The following KMT2A variants were observed in gnomAD, a reference collection of about 807,000 sequenced individuals.
The protein encoded by KMT2A is lysine methyltransferase 2A.
In KMT2A, 16 loss-of-function variants were observed where a neutral mutation model predicts 345.3. The ratio of observed to expected loss-of-function variants is 0.05; its 90% CI spans 0.03 to 0.07. KMT2A has a LOEUF of 0.07. Ranked by LOEUF, KMT2A falls within the 10% of genes least tolerant of loss-of-function variation. KMT2A has a pLI of 1.00. For missense variants in KMT2A, 3,272 were observed against 4,841.6 expected, an observed-to-expected ratio of 0.68 and a Z score of 9.62; for synonymous variants, 1,599 against 1,778.6, an observed-to-expected ratio of 0.90 and a Z score of 2.54.
chr11:118,487,001 C>G (rs1379153387), intron 10 of KMT2A, among the ~76,000 whole-genome samples: 1 of 152,168 alleles, frequency 6.6e-6, no homozygotes, highest in Non-Finnish European at 1.5e-5. Flanking sequence ...GCCCACTTGC[C>G]ATTTGAAGTT....
rs372849484 is a variant in KMT2A at position 118,473,352 on chromosome 11, A to G, written c.2193A>G (p.Val731=). ...RTSAGTSSSG[V]SNRKRKRKVF... is the part of the protein sequence containing the mutation. ...CTGCTGGAACATCTTCTTCAGGAGTATCCAATAGAAAAAGGAAAAGAAAAG... is the reference window on the plus strand; with the variant it reads ...CTGCTGGAACATCTTCTTCAGGAGTGTCCAATAGAAAAAGGAAAAGAAAAG... Residue 731 remains valine (V), a synonymous_variant, in exon 3 of 36, where the codon GTA becomes GTG. Coordinates refer to ENST00000534358, the MANE Select transcript of KMT2A (RefSeq NM_001197104.2). The surrounding 1 kb of genome is among the most constrained non-coding windows in gnomAD (Gnocchi z 5.2). The G allele has an allele frequency of 3.1e-6, 5 of 1,614,032 alleles. No homozygotes were observed. The highest frequency in any genetic ancestry group is 3.4e-6 in the Non-Finnish European group (4 of 1,179,986).
At position 118,494,821 on chromosome 11, in the gene KMT2A, G is replaced by A; in HGVS notation, c.5363+54G>A. 5.1e-6 allele frequency: 7 copies of A among 1,372,150 alleles called. No individual in the cohort carries two copies. Among genetic ancestry groups the A allele is most frequent in the Non-Finnish European group, 7.2e-6 (7 of 966,456 alleles). 85.0% of individuals were successfully genotyped at this position (1,372,150 alleles called of 1,614,324 possible). On this transcript the variant is annotated intron_variant, in intron 18 of 35. Transcript: ENST00000534358. The surrounding 1 kb of genome is among the most constrained non-coding windows in gnomAD (Gnocchi z 5.8). ...CTCCTCATCGGCTAGAAATCTGAGA[G>A]TTCTCATATTTCTAGATTGCAGTTT...
At chr11:118,459,667 A>C (rs542835900) in intron 1 of KMT2A, among the ~76,000 whole-genome samples, 1 of 151,590 alleles carries the variant, frequency 6.6e-6, no homozygotes, top group South Asian at 2.1e-4. Context: ...TATATTGAAA[A>C]TAATTTTTTT....
At chr11:118,511,593 C>T (rs1285018440) in intron 30 of KMT2A, among the ~76,000 whole-genome samples, 1 of 152,122 alleles carries the variant, frequency 6.6e-6, no homozygotes, top group East Asian at 1.9e-4. Flanking sequence ...ATTACTAGTG[C>T]TGTTTTGATT....
At position 118,497,953 on chromosome 11, in the gene KMT2A, A is replaced by G. The variant is rs782627566; in HGVS notation, c.5682A>G (p.Leu1894=). The change falls in exon 21 of 36, where the codon CTA becomes CTG. Residue 1894 remains leucine, a synonymous_variant. Coordinates refer to ENST00000534358, the MANE Select transcript of KMT2A (RefSeq NM_001197104.2). This position sits in a 1 kb window ranked among gnomAD's most constrained non-coding sequence, Gnocchi z 4.8. The stretch of plus-strand genomic sequence containing the variant: ...TTTTATAGGATGCTGGTCGTTTACT[A>G]TATATTGGCCAAAATGAGTGGACAC... ...DDSANDAGRL[L]YIGQNEWTHV... 3 of 1,612,304 alleles carry G rather than the reference A, an allele frequency of 1.9e-6. No homozygotes were observed. The highest frequency in any genetic ancestry group is 3.3e-5 in the Admixed American group (2 of 60,000).
In KMT2A at chr11:118,510,023, G is replaced by T. The variant is rs782142171; in HGVS notation, c.10976G>T (p.Arg3659Leu). 1.1e-5 allele frequency: 18 copies of T among 1,613,636 alleles called. No homozygotes were observed. The South Asian group carries it at 1.9e-4, about 17-fold the overall frequency. The change falls in exon 30 of 36, where the codon CGG becomes CTG. Residue 3659 changes from arginine (R) to leucine (L), a missense_variant. Coordinates refer to ENST00000534358, the MANE Select transcript of KMT2A (RefSeq NM_001197104.2). This position sits in a 1 kb window ranked among gnomAD's most constrained non-coding sequence, Gnocchi z 4.1. ...CTTTGGCTTCAGCAAGAACAAAAGC[G>T]GAAGGAAAGCATTACTGAGAAAAAA... ...LMLWLQQEQK[R>L]KESITEKKPK...
At position 118,498,465 on chromosome 11, in the gene KMT2A, C is replaced by A. The variant is rs1555044736; in HGVS notation, c.5898C>A (p.Asn1966Lys). 6 of 1,613,196 alleles carry A rather than the reference C, an allele frequency of 3.7e-6. No individual in the cohort carries two copies. In the Admixed American group the frequency reaches 5.0e-5, roughly 13 times the overall value. ...ACTTCATGTGTTCCCGAGCCAAGAA[C>A]TGTGTCTTTCTGGATGATAAAAAAG... ...NYHFMCSRAK[N>K]CVFLDDKKVY... Residue 1966 changes from asparagine (N) to lysine (K), a missense_variant, in exon 22 of 36, where the codon AAC (asparagine) becomes AAA (lysine). By Grantham distance (94) the Asn-to-Lys change is moderately conservative. Coordinates refer to ENST00000534358, the MANE Select transcript of KMT2A (RefSeq NM_001197104.2). The surrounding 1 kb of genome is among the most constrained non-coding windows in gnomAD (Gnocchi z 4.4).
chr11:118,492,339 GT>G (rs1950337629), intron 15 of KMT2A, among the ~76,000 whole-genome samples: 1 of 152,200 alleles, frequency 6.6e-6, no homozygotes, highest in Non-Finnish European at 1.5e-5. Context: ...AACACTTTCT[GT>G]TTATGTAAGT....
At chr11:118,512,114 ATCAGTT>A (rs1950700626) in intron 31 of KMT2A, 89 bp downstream of exon 31, 1 of 1,250,522 alleles carries the variant, frequency 8.0e-7, no homozygotes, top group African/African-American at 1.5e-5. Context: ...TGAAAAAAAA[ATCAGTT>A]AAAAATTTTT....
rs1950654739 is a variant in KMT2A, at chr11:118,509,964, A to G, written c.10917A>G (p.Glu3639=). The G allele has an allele frequency of 1.9e-6, 3 of 1,610,178 alleles. No individual in the cohort carries two copies. In the East Asian group the frequency reaches 6.7e-5, roughly 36 times the overall value. Residue 3639 remains glutamate (E), a synonymous_variant, in exon 30 of 36, where the codon GAA becomes GAG. Transcript: ENST00000534358. ...EQESAEPKTV[E]EEESNFSSPL... is the part of the protein sequence containing the mutation. ...CCCTATTAGAACCTAAAACAGTGGA[A>G]GAAGAGGAAAGTAATTTCAGCTCCC...
rs1268965009 is a variant in KMT2A, at chr11:118,526,430, CTT to C, written c.*4260_*4261del. 1 of 228,466 alleles carries C rather than the reference CTT, an allele frequency of 4.4e-6. No individual in the cohort carries two copies. Among genetic ancestry groups the C allele is most frequent in the Middle Eastern group, 1.3e-3 (1 of 756 alleles). 14.2% of individuals were successfully genotyped at this position (228,466 alleles called of 1,614,324 possible). On this transcript the variant is annotated 3_prime_UTR_variant, in exon 36 of 36. Transcript: ENST00000534358. Reference sequence around the variant, plus strand: ...TCTTTTATTGAACTTTTAACAGTCTCTTTAGTAAATACAGGTAGTTGAATAAT... The same window carrying C: ...TCTTTTATTGAACTTTTAACAGTCTCTAGTAAATACAGGTAGTTGAATAAT...
intron 11 of KMT2A, among the ~76,000 whole-genome samples, 166 bp from the exon 12 acceptor site, chr11:118,489,626 A>T (rs1184647789): frequency 9.9e-5 from 15 of 152,236 alleles, no homozygotes; most frequent in Non-Finnish European, 2.2e-4. Flanking sequence ...CAGGAAATAA[A>T]TCTATCTCAA....
In KMT2A at chr11:118,484,654, A is replaced by G. The variant is rs556215502; in HGVS notation, c.4219-208A>G. Among the ~76,000 whole-genome samples the G allele has an allele frequency of 2.6e-4, 40 of 152,364 alleles. No individual in the cohort carries two copies. The highest frequency in any genetic ancestry group is 9.4e-4 in the African/African-American group (39 of 41,588). On this transcript the variant is annotated intron_variant, in intron 9 of 35. Transcript: ENST00000534358. The surrounding 1 kb of genome is among the most constrained non-coding windows in gnomAD (Gnocchi z 4.1). Reference sequence around the variant, plus strand: ...CAATCCCAGTGTATTTTCGCAATATATTCAATATGAATTGAACAACTAGGT... The same window carrying G: ...CAATCCCAGTGTATTTTCGCAATATGTTCAATATGAATTGAACAACTAGGT...
Position 118,436,923 on chromosome 11 carries a change from CG to C in KMT2A, c.416del (p.Gly139GlufsTer11). 3 of 1,547,574 alleles carry C rather than the reference CG, an allele frequency of 1.9e-6. No homozygotes were observed. Among genetic ancestry groups the C allele is most frequent in the African/African-American group, 1.4e-5 (1 of 72,372 alleles). ...TCCGGGCCGTGTTTGGGGAGAGCGG[CG>C]GGGGAGGCGGCAGCGGAGAGGTAAG... ...RFRAVFGESG[G>X]GGGSGEDEQF... is the part of the protein sequence containing the mutation. On this transcript the variant is annotated frameshift_variant, in exon 1 of 36. Coordinates refer to ENST00000534358, the MANE Select transcript of KMT2A (RefSeq NM_001197104.2). LOFTEE classifies it high-confidence loss of function. The surrounding 1 kb of genome is among the most constrained non-coding windows in gnomAD (Gnocchi z 6.9).
chr11:118,449,297 A>G (rs183982809), intron 1 of KMT2A: 2 of 151,548 alleles, frequency 1.3e-5, no homozygotes, highest in South Asian at 2.1e-4. Context: ...GTGGCTCACA[A>G]CTGTAATACC....
intron 23 of KMT2A, 113 bp downstream of exon 23, chr11:118,499,533 C>T: frequency 1.3e-6 from 1 of 775,614 alleles, no homozygotes; most frequent in Admixed American, 1.9e-5. Context: ...CCTGTAATCC[C>T]AGCACTTTGG....
intron 5 of KMT2A, 65 bp from the exon 6 acceptor site, chr11:118,480,109 A>T: frequency 1.6e-6 from 2 of 1,274,892 alleles, no homozygotes; most frequent in South Asian, 1.2e-5. Context: ...GACAAAATGA[A>T]CACTTGTTTC....
intron 10 of KMT2A, among the ~76,000 whole-genome samples, chr11:118,485,940 G>A (rs890301158): frequency 6.6e-6 from 1 of 152,128 alleles, no homozygotes; most frequent in African/African-American, 2.4e-5. Flanking sequence ...AAAATTAGCC[G>A]GGTGTGGTGG....
chr11:118,482,116 A>G, intron 7 of KMT2A, 24 bp downstream of exon 7: 4 of 1,573,402 alleles, frequency 2.5e-6, no homozygotes, highest in Non-Finnish European at 3.4e-6. Flanking sequence ...GCAAGAAGGA[A>G]TTGCTGAACC....
Sources: gnomAD v4.1 joint callset for allele counts (sites outside exome capture counted in the v4.1 genomes callset) on GRCh38, gnomAD v4.1.1 for gene constraint, Gnocchi (gnomAD v3.1) non-coding constraint, MANE v1.5 for transcripts, NCBI Gene and HGNC (gene_info 2026-07-23, HGNC 2026-07-21) for gene names.